The following GALNTL6 variants were observed in gnomAD, a reference collection of about 807,000 sequenced individuals.
GALNTL6 encodes the protein polypeptide N-acetylgalactosaminyltransferase like 6, also known as polypeptide N-acetylgalactosaminyltransferase-like 6.
GALNTL6 carries 46 observed loss-of-function variants against 73.7 expected under a neutral mutation model. The ratio of observed to expected loss-of-function variants is 0.62; its 90% confidence interval spans 0.49 to 0.80. The LOEUF (loss-of-function observed/expected upper bound fraction) is 0.80, where lower values mean the gene tolerates loss of function less well. Ranked by LOEUF, GALNTL6 falls within the 30% of genes least tolerant of loss-of-function variation. The probability of loss-of-function intolerance (pLI) is 0.00; values close to 1 mark genes in which losing one functional copy is unlikely to be tolerated. For synonymous variants in GALNTL6, 259 were observed against 263.7 expected, an observed-to-expected ratio of 0.98 and a Z score of 0.17; for missense variants, 604 against 755.0, an observed-to-expected ratio of 0.80 and a Z score of 2.34.
At chr4:172,734,723 C>T (rs67168311) in intron 5 of GALNTL6, among the ~76,000 whole-genome samples, 47,491 of 151,782 alleles carry the variant, frequency 0.31, 8,068 homozygotes, top group Middle Eastern at 0.46. Flanking sequence ...CAATGGATCA[C>T]AGGCCCAGAG....
At chr4:172,899,287 T>C (rs1166378016) in intron 8 of GALNTL6, among the ~76,000 whole-genome samples, 1 of 152,186 alleles carries the variant, frequency 6.6e-6, no homozygotes, top group Non-Finnish European at 1.5e-5. Context: ...TCAGGAAGCA[T>C]AATTGTAGGC....
chr4:172,153,015 T>G (rs1051586427), intron 2 of GALNTL6, among the ~76,000 whole-genome samples: 1 of 152,194 alleles, frequency 6.6e-6, no homozygotes, highest in Non-Finnish European at 1.5e-5. Flanking sequence ...ATGTTTTAAA[T>G]CACTATAATT....
intron 2 of GALNTL6, among the ~76,000 whole-genome samples, chr4:172,187,740 C>T (rs963104168): frequency 2.0e-5 from 3 of 151,944 alleles, no homozygotes; most frequent in African/African-American, 7.3e-5. Context: ...GTTATGTGGC[C>T]TTAATAGGGA....
intron 2 of GALNTL6, among the ~76,000 whole-genome samples, chr4:171,816,717 T>C (rs1295316573): frequency 6.6e-6 from 1 of 152,018 alleles, no homozygotes; most frequent in East Asian, 1.9e-4. Context: ...AGGTAAAAAT[T>C]AATTGATTAC....
intron 2 of GALNTL6, among the ~76,000 whole-genome samples, chr4:172,103,808 G>A (rs879678899): frequency 4.6e-5 from 7 of 152,188 alleles, no homozygotes; most frequent in Non-Finnish European, 1.0e-4. Context: ...TTTTCAAAAG[G>A]GAGGCTTGCC....
intron 5 of GALNTL6, among the ~76,000 whole-genome samples, chr4:172,445,324 G>T (rs539515718): frequency 6.6e-6 from 1 of 152,152 alleles, no homozygotes; most frequent in Admixed American, 6.6e-5. Context: ...ACTTAAAATT[G>T]AAATAATAGA....
intron 7 of GALNTL6, among the ~76,000 whole-genome samples, chr4:172,875,009 C>T (rs761094662): frequency 7.2e-5 from 11 of 152,104 alleles, no homozygotes; most frequent in Non-Finnish European, 7.4e-5. Context: ...AGGGGGCTGG[C>T]AACAGGCACC....
chr4:172,894,611 G>A (rs1225567906), intron 8 of GALNTL6, among the ~76,000 whole-genome samples: 10 of 152,006 alleles, frequency 6.6e-5, no homozygotes, highest in Non-Finnish European at 1.5e-5. Context: ...GTTTATTCTG[G>A]AGAATATTAC....
At chr4:172,310,142 T>A (rs528627553) in intron 3 of GALNTL6, among the ~76,000 whole-genome samples, 2 of 152,300 alleles carry the variant, frequency 1.3e-5, no homozygotes, top group East Asian at 3.9e-4. Context: ...GGGTTACTAA[T>A]GATGTTTCCA....
chr4:172,964,027 CAG>C (rs1365646607), intron 10 of GALNTL6, among the ~76,000 whole-genome samples: 1 of 152,068 alleles, frequency 6.6e-6, no homozygotes, highest in Non-Finnish European at 1.5e-5. Context: ...TGATGAGTCC[CAG>C]AGAGAATAAA....
Position 171,892,229 on chromosome 4 carries a change from C to A in GALNTL6, c.138+77511C>A, listed in dbSNP as rs529459781. On this transcript the variant is annotated intron_variant, in intron 2 of 12. Coordinates refer to ENST00000506823, the MANE Select transcript of GALNTL6 (RefSeq NM_001034845.3). ...AGTCCAAAAAGATCTGAAATCCAAC[C>A]CTTCTGGTTTTAAGCATTTCAAATA... Among the ~76,000 whole-genome samples the A allele has an allele frequency of 9.2e-5, 14 of 152,092 alleles. No individual in the cohort carries two copies. The East Asian group carries it at 2.7e-3, about 29-fold the overall frequency.
rs1553970596 is a variant in GALNTL6 at position 171,923,818 on chromosome 4, G to GTGTT, written c.138+109103_138+109104insTTGT. On this transcript the variant is annotated intron_variant, in intron 2 of 12. Coordinates refer to ENST00000506823, the MANE Select transcript of GALNTL6 (RefSeq NM_001034845.3). ...TGTGTGTGTGTGTGTGTGTGTGTGT[G>GTGTT]TGTGTGTGTTTGAAGTTCTTCTTGC... Among the ~76,000 whole-genome samples the GTGTT allele has an allele frequency of 3.0e-3, 454 of 149,770 alleles. 1 individual carries two copies. The highest frequency in any genetic ancestry group is 0.011 in the African/African-American group (428 of 40,468).
At chr4:172,294,940 G>T (rs1739613859) in intron 3 of GALNTL6, among the ~76,000 whole-genome samples, 1 of 152,030 alleles carries the variant, frequency 6.6e-6, no homozygotes, top group Admixed American at 6.5e-5. Context: ...GCTAATTATT[G>T]ATTTCATTCA....
chr4:172,307,446 A>C (rs1740181713), intron 3 of GALNTL6, among the ~76,000 whole-genome samples: 1 of 152,112 alleles, frequency 6.6e-6, no homozygotes. Flanking sequence ...AATGTCTAGA[A>C]GGGGTTTTCT....
At chr4:172,141,236 C>G (rs550081735) in intron 2 of GALNTL6, among the ~76,000 whole-genome samples, 3 of 152,072 alleles carry the variant, frequency 2.0e-5, no homozygotes, top group African/African-American at 7.2e-5. Context: ...AAACACACAT[C>G]CTGTTCTTAG....
At chr4:172,211,628 A>G (rs1736323351) in intron 2 of GALNTL6, among the ~76,000 whole-genome samples, 1 of 152,212 alleles carries the variant, frequency 6.6e-6, no homozygotes, top group African/African-American at 2.4e-5. Context: ...ACTAGAGTAC[A>G]GTCCTGTCTT....
chr4:172,056,715 G>A (rs555560022), intron 2 of GALNTL6, among the ~76,000 whole-genome samples: 50 of 151,794 alleles, frequency 3.3e-4, no homozygotes, highest in Admixed American at 9.8e-4. Context: ...AATAAAATAA[G>A]CATTTTGACA....
intron 2 of GALNTL6, among the ~76,000 whole-genome samples, chr4:171,825,525 A>G (rs935419434): frequency 6.6e-6 from 1 of 152,080 alleles, no homozygotes; most frequent in African/African-American, 2.4e-5. Context: ...TTTCTTTCAC[A>G]AGCCAAAGGA....
intron 3 of GALNTL6, among the ~76,000 whole-genome samples, chr4:172,290,801 A>T (rs1231583244): frequency 6.6e-6 from 1 of 151,796 alleles, no homozygotes; most frequent in East Asian, 1.9e-4. Context: ...GATGCTACAT[A>T]AAAAAAGCTT....
Sources: gnomAD v4.1 joint callset for allele counts (sites outside exome capture counted in the v4.1 genomes callset) on GRCh38, gnomAD v4.1.1 for gene constraint, MANE v1.5 for transcripts, NCBI Gene and HGNC (gene_info 2026-07-23, HGNC 2026-07-21) for gene names.